RALYL: variants seen among roughly 807,000 people sequenced by gnomAD.
RALYL encodes RALY RNA binding protein like.
A neutral mutation model predicts 35.1 loss-of-function variants in RALYL; 29 were observed. The observed-to-expected ratio is 0.83, with a 90% CI of 0.61 to 1.13. The LOEUF is 1.13. Ranked by LOEUF, RALYL falls within the 50% of genes most tolerant of loss-of-function variation. RALYL has a pLI of 0.00. For missense variants in RALYL, 359 were observed against 360.4 expected (o/e 1.00, Z 0.03); for synonymous variants, 120 against 127.6 (o/e 0.94, Z 0.40).
In RALYL at chr8:84,471,136, T is replaced by G. The variant is rs557696239; in HGVS notation, c.-23-58163T>G. 2.6e-5 allele frequency among the ~76,000 whole-genome samples: 4 copies of G among 152,360 alleles called. No individual in the cohort carries two copies. In the South Asian group the frequency reaches 8.3e-4, roughly 32 times the overall value. The stretch of plus-strand genomic sequence containing the variant: ...ACTTCTCCTACAAAGTAAGTGTTGA[T>G]TTTCTAATTTCTTGGACAGAGAAAG... On this transcript the variant is annotated intron_variant, in intron 1 of 8. Transcript: ENST00000521268.
chr8:84,650,160 A>T (rs1414602184), intron 2 of RALYL, among the ~76,000 whole-genome samples: 20 of 152,084 alleles, frequency 1.3e-4, no homozygotes. Flanking sequence ...GAAGTTGCTT[A>T]TCAGCTTAAG....
chr8:84,223,468 A>C (rs1014172757), intron 1 of RALYL, among the ~76,000 whole-genome samples: 1 of 152,120 alleles, frequency 6.6e-6, no homozygotes, highest in Non-Finnish European at 1.5e-5. Context: ...CCATGGTAGA[A>C]GTTTGGAATA....
intron 2 of RALYL, among the ~76,000 whole-genome samples, chr8:84,555,364 A>G (rs1469497379): frequency 1.3e-5 from 2 of 152,164 alleles, no homozygotes; most frequent in Non-Finnish European, 1.5e-5. Context: ...TCATCTAGAC[A>G]GTAATTTCCA....
intron 3 of RALYL, among the ~76,000 whole-genome samples, chr8:84,777,322 G>A (rs1817067820): frequency 1.3e-5 from 2 of 152,110 alleles, no homozygotes; most frequent in South Asian, 4.1e-4. Flanking sequence ...GATTTTCTGA[G>A]CATCAAACCA....
chr8:84,745,398 AACCCCAGTTTTTT>A (rs1411146843), intron 2 of RALYL, among the ~76,000 whole-genome samples: 1 of 152,096 alleles, frequency 6.6e-6, no homozygotes, highest in Non-Finnish European at 1.5e-5. Flanking sequence ...GCTACACACC[AACCCCAGTTTTTT>A]CATAAGCCCT....
rs1406459872 is a variant in RALYL, at chr8:84,390,662, T to C, written c.-23-138637T>C. Among the ~76,000 whole-genome samples the C allele has an allele frequency of 2.6e-5, 4 of 152,220 alleles. No individual in the cohort carries two copies. The East Asian group carries it at 7.8e-4, about 30-fold the overall frequency. ...TTTGTAGTAATCTCTGATGGTAGTT[T>C]CTATTTCTGTGGGATCAGTGGTGAT... On this transcript the variant is annotated intron_variant, in intron 1 of 8. Transcript: ENST00000521268.
chr8:84,338,015 G>A (rs541600550), intron 1 of RALYL, among the ~76,000 whole-genome samples: 1 of 152,062 alleles, frequency 6.6e-6, no homozygotes, highest in South Asian at 2.1e-4. Flanking sequence ...AACTAAGACT[G>A]TACATTGGCT....
chr8:84,539,307 A>C (rs1342198832), intron 2 of RALYL, among the ~76,000 whole-genome samples: 1 of 152,170 alleles, frequency 6.6e-6, no homozygotes, highest in Non-Finnish European at 1.5e-5. Context: ...TGGGACATAC[A>C]AAGTGATGTA....
intron 1 of RALYL, among the ~76,000 whole-genome samples, chr8:84,263,132 A>G (rs949267727): frequency 6.6e-6 from 1 of 152,160 alleles, no homozygotes; most frequent in African/African-American, 2.4e-5. Context: ...TAAAATAAAG[A>G]TTAGCTATTA....
chr8:84,765,379 C>A (rs962637239), intron 2 of RALYL, among the ~76,000 whole-genome samples: 1 of 152,150 alleles, frequency 6.6e-6, no homozygotes, highest in African/African-American at 2.4e-5. Flanking sequence ...CTCAGACAGT[C>A]CTGTCTGCTG....
chr8:84,919,633 A>C (rs1429825402), intron 8 of RALYL, among the ~76,000 whole-genome samples: 1 of 152,078 alleles, frequency 6.6e-6, no homozygotes, highest in Non-Finnish European at 1.5e-5. Context: ...GAGGGAAGAG[A>C]AAAGGAAAAA....
At chr8:84,737,800 C>A (rs191560153) in intron 2 of RALYL, among the ~76,000 whole-genome samples, 129 of 152,060 alleles carry the variant, frequency 8.5e-4, no homozygotes, top group Non-Finnish European at 1.5e-3. Context: ...AGATTCCTTC[C>A]TCCTTCTGCC....
chr8:84,220,539 A>G (rs1351389402), intron 1 of RALYL, among the ~76,000 whole-genome samples: 1 of 152,030 alleles, frequency 6.6e-6, no homozygotes, highest in Non-Finnish European at 1.5e-5. Flanking sequence ...ATTATGGTAA[A>G]TGATAATAAA....
intron 2 of RALYL, among the ~76,000 whole-genome samples, chr8:84,575,362 A>G (rs1809099850): frequency 6.6e-6 from 1 of 152,214 alleles, no homozygotes; most frequent in African/African-American, 2.4e-5. Flanking sequence ...GATAATTTGA[A>G]AGACTTACTT....
At chr8:84,794,580 T>G (rs1821482895) in intron 3 of RALYL, among the ~76,000 whole-genome samples, 1 of 152,236 alleles carries the variant, frequency 6.6e-6, no homozygotes, top group South Asian at 2.1e-4. Context: ...ATCATTTTTC[T>G]TAATAGAAAC....
chr8:84,689,246 A>G (rs954232084), intron 2 of RALYL, among the ~76,000 whole-genome samples: 3 of 152,164 alleles, frequency 2.0e-5, no homozygotes, highest in Middle Eastern at 3.4e-3. Context: ...ACCGCACAAC[A>G]GTCCCCAGAG....
At position 84,442,921 on chromosome 8, in the gene RALYL, CTCTTA is replaced by C. The variant is rs562796899; in HGVS notation, c.-23-86376_-23-86372del. Among the ~76,000 whole-genome samples the C allele has an allele frequency of 9.5e-4, 144 of 152,200 alleles. 2 individuals carry two copies. The South Asian group carries it at 0.019, about 20-fold the overall frequency. On this transcript the variant is annotated intron_variant, in intron 1 of 8. Coordinates refer to ENST00000521268, the MANE Select transcript of RALYL (RefSeq NM_173848.7). ...GCTTTCAGAACTTGTTCTCACACTT[CTCTTA>C]TATGTGACCTCCTGTTCTACTCCTC...
chr8:84,467,724 T>C (rs1262210071), intron 1 of RALYL, among the ~76,000 whole-genome samples: 1 of 151,282 alleles, frequency 6.6e-6, no homozygotes, highest in African/African-American at 2.4e-5. Context: ...CGTTGATCTG[T>C]CTAATGTTGA....
intron 6 of RALYL, among the ~76,000 whole-genome samples, chr8:84,869,069 A>G (rs1314680677): frequency 6.6e-6 from 1 of 152,054 alleles, no homozygotes; most frequent in African/African-American, 2.4e-5. Flanking sequence ...CGTTGAAGTG[A>G]TCATGATAAA....
Sources: gnomAD v4.1 joint callset for allele counts (sites outside exome capture counted in the v4.1 genomes callset) on GRCh38, gnomAD v4.1.1 for gene constraint, MANE v1.5 for transcripts, NCBI Gene and HGNC (gene_info 2026-07-23, HGNC 2026-07-21) for gene names.